Variants in SYCE2 observed in about 807,000 individuals in gnomAD.
The protein encoded by SYCE2 is synaptonemal complex central element protein 2, also known as central element synaptonemal complex 1.
SYCE2 carries 3 observed loss-of-function variants against 27.9 expected under a neutral mutation model. That is an observed-to-expected ratio of 0.11 (90% CI 0.05 to 0.28). The LOEUF is 0.28. SYCE2 is among the 10% of genes least tolerant of loss of function. The probability of loss-of-function intolerance (pLI) is 1.00; values close to 1 mark genes in which losing one functional copy is unlikely to be tolerated. For missense variants in SYCE2, 207 were observed against 263.5 expected (o/e 0.79, Z 1.48); for synonymous variants, 85 against 100.7 (o/e 0.84, Z 0.93).
Position 12,899,387 on chromosome 19 carries a change from T to G in SYCE2, c.613-2A>C, listed in dbSNP as rs755878919. The G allele has an allele frequency of 1.9e-6, 3 of 1,614,106 alleles. No homozygotes were observed. The highest frequency in any genetic ancestry group is 2.5e-6 in the Non-Finnish European group (3 of 1,179,996). ...GGTCTGTACTTCTGAAGCAGTGGCCTGGGGATACATGAAAATTGATTTTAA... is the reference window on the plus strand; with the variant it reads ...GGTCTGTACTTCTGAAGCAGTGGCCGGGGGATACATGAAAATTGATTTTAA... On this transcript the variant is annotated splice_acceptor_variant, in intron 5 of 5. Coordinates refer to ENST00000293695, the MANE Select transcript of SYCE2 (RefSeq NM_001105578.2). LOFTEE classifies it high-confidence loss of function.
chr19:12,910,529 C>A (rs551753193), intron 2 of SYCE2, among the ~76,000 whole-genome samples: 1 of 151,638 alleles, frequency 6.6e-6, no homozygotes, highest in East Asian at 1.9e-4. Context: ...CACACCACCA[C>A]GCCCGGCTAA....
chr19:12,899,441 A>C, intron 5 of SYCE2, 56 bp from the exon 6 acceptor site: 2 of 1,614,170 alleles, frequency 1.2e-6, no homozygotes, highest in East Asian at 4.5e-5. Flanking sequence ...GAAAACTCCA[A>C]ACCGACTCTG....
chr19:12,913,885 CG>C (rs1971090235), intron 2 of SYCE2: 1 of 152,186 alleles, frequency 6.6e-6, no homozygotes. Context: ...AACCATTTCA[CG>C]CGTGGCCTGC....
At chr19:12,913,120 A>G (rs1321929929) in intron 2 of SYCE2, among the ~76,000 whole-genome samples, 2 of 152,196 alleles carry the variant, frequency 1.3e-5, no homozygotes. Context: ...TCGGGTGTGC[A>G]TGGCCTGCGC....
At chr19:12,918,726 G>A (rs564593591) in intron 1 of SYCE2, among the ~76,000 whole-genome samples, 18 of 152,158 alleles carry the variant, frequency 1.2e-4, no homozygotes, top group African/African-American at 3.9e-4. Flanking sequence ...GGCGGAGGCG[G>A]GCGGATCACG....
chr19:12,909,264 A>G (rs771640320), intron 2 of SYCE2, among the ~76,000 whole-genome samples: 20 of 152,168 alleles, frequency 1.3e-4, no homozygotes, highest in Admixed American at 6.6e-5. Context: ...GGATTCTATC[A>G]TCTAAATTCT....
At chr19:12,916,402 A>G (rs1205422570) in intron 2 of SYCE2, among the ~76,000 whole-genome samples, 1 of 151,876 alleles carries the variant, frequency 6.6e-6, no homozygotes, top group African/African-American at 2.4e-5. Flanking sequence ...TTGAGAACAC[A>G]TCAAGCTTAT....
intron 5 of SYCE2, 120 bp downstream of exon 5, chr19:12,899,884 C>A (rs1490109497): frequency 3.2e-6 from 5 of 1,584,796 alleles, no homozygotes; most frequent in Non-Finnish European, 4.3e-6. Context: ...ACAGTGCGCC[C>A]TCCCTCCCTC....
intron 2 of SYCE2, among the ~76,000 whole-genome samples, chr19:12,907,699 G>A (rs990098135): frequency 2.0e-5 from 3 of 152,240 alleles, no homozygotes; most frequent in African/African-American, 7.2e-5. Context: ...ACTGAGGCAG[G>A]AGGATCGCTT....
intron 5 of SYCE2, chr19:12,899,600 AC>A: frequency 1.2e-6 from 2 of 1,613,646 alleles, no homozygotes; most frequent in Non-Finnish European, 1.7e-6. Flanking sequence ...GCCTGGCTGG[AC>A]CGTAGGAGCG....
intron 2 of SYCE2, among the ~76,000 whole-genome samples, chr19:12,909,889 CAG>C (rs1253171158): frequency 1.3e-5 from 2 of 150,754 alleles, no homozygotes; most frequent in South Asian, 4.2e-4. Flanking sequence ...GTTTTTGAGA[CAG>C]AGTCTTGCTT....
chr19:12,911,056 A>G (rs1415505392), intron 2 of SYCE2, among the ~76,000 whole-genome samples: 3 of 151,184 alleles, frequency 2.0e-5, no homozygotes, highest in Admixed American at 6.6e-5. Context: ...TGCAACTTTG[A>G]ACTCCCCCAG....
chr19:12,917,914 C>T (rs1251834599), intron 2 of SYCE2, among the ~76,000 whole-genome samples: 1 of 152,086 alleles, frequency 6.6e-6, no homozygotes, highest in East Asian at 1.9e-4. Context: ...CCGCCTTGGC[C>T]TCCCAAAGTG....
chr19:12,903,475 C>T (rs1312029082), intron 3 of SYCE2, among the ~76,000 whole-genome samples: 2 of 151,294 alleles, frequency 1.3e-5, no homozygotes, highest in South Asian at 2.1e-4. Context: ...CTGCAACCTC[C>T]GCCTCCCAGG....
chr19:12,911,549 C>G (rs1308739745), intron 2 of SYCE2, among the ~76,000 whole-genome samples: 1 of 151,828 alleles, frequency 6.6e-6, no homozygotes. Context: ...AAGCAATTCT[C>G]CCACCTCAGC....
intron 2 of SYCE2, among the ~76,000 whole-genome samples, chr19:12,906,698 G>A (rs1970939701): frequency 6.6e-6 from 1 of 152,060 alleles, no homozygotes; most frequent in Non-Finnish European, 1.5e-5. Context: ...CACAAGGGCA[G>A]GAGTTCGAGA....
At chr19:12,917,117 T>C (rs1000585927) in intron 2 of SYCE2, among the ~76,000 whole-genome samples, 4 of 150,232 alleles carry the variant, frequency 2.7e-5, no homozygotes, top group African/African-American at 9.8e-5. Flanking sequence ...AAGGCTGGAA[T>C]GCAATGGCAC....
chr19:12,910,184 A>C (rs1447197822), intron 2 of SYCE2, among the ~76,000 whole-genome samples: 1 of 151,606 alleles, frequency 6.6e-6, no homozygotes, highest in Non-Finnish European at 1.5e-5. Flanking sequence ...TAATGTCTCT[A>C]AATCTACCAT....
chr19:12,900,201 G>T lies in SYCE2; in HGVS notation c.496-81C>A. On this transcript the variant is annotated intron_variant, in intron 4 of 5. Coordinates refer to ENST00000293695, the MANE Select transcript of SYCE2 (RefSeq NM_001105578.2). ...AGGGGATGATTTCTGAGTGGCAGGG[G>T]TGCAAGGGACTTTGTCCTTTCTGTC... 30 of 1,494,658 alleles carry T rather than the reference G, an allele frequency of 2.0e-5. No individual in the cohort carries two copies. The South Asian group carries it at 3.9e-4, about 19-fold the overall frequency. 92.6% of individuals were successfully genotyped at this position (1,494,658 alleles called of 1,614,324 possible).
Sources: allele counts gnomAD v4.1 joint callset (sites outside exome capture counted in the v4.1 genomes callset), GRCh38; gene constraint gnomAD v4.1.1; transcripts MANE v1.5; gene names NCBI Gene and HGNC (gene_info 2026-07-23, HGNC 2026-07-21).